Variants in ITCH observed in about 807,000 individuals in gnomAD.
ITCH encodes the protein E3 ubiquitin-protein ligase Itchy homolog.
ITCH carries 28 observed loss-of-function variants against 126.8 expected under a neutral mutation model. The ratio of observed to expected loss-of-function variants is 0.22; its 90% confidence interval spans 0.16 to 0.30. The LOEUF is 0.30. ITCH is among the 10% of genes least tolerant of loss of function. The pLI is 1.00. For missense variants in ITCH, 631 were observed against 1,032.4 expected, an observed-to-expected ratio of 0.61 and a Z score of 5.33; for synonymous variants, 342 against 340.0, an observed-to-expected ratio of 1.01 and a Z score of -0.06.
chr20:34,407,141 T>C (rs909904400), intron 3 of ITCH, among the ~76,000 whole-genome samples: 1 of 152,172 alleles, frequency 6.6e-6, no homozygotes, highest in African/African-American at 2.4e-5. Flanking sequence ...AAGGAGTTTG[T>C]ATCTCAAGAT....
intron 13 of ITCH, among the ~76,000 whole-genome samples, chr20:34,460,694 G>A (rs1395982514): frequency 2.0e-5 from 3 of 152,054 alleles, no homozygotes; most frequent in Non-Finnish European, 4.4e-5. Context: ...TATAAAGATA[G>A]GTATTAAGGA....
intron 16 of ITCH, among the ~76,000 whole-genome samples, chr20:34,475,173 G>A (rs1336111235): frequency 6.6e-6 from 1 of 151,406 alleles, no homozygotes; most frequent in East Asian, 2.0e-4. Flanking sequence ...TTTCCAGACT[G>A]GGCAGCCAGG....
At chr20:34,491,981 G>A (rs991624563) in intron 22 of ITCH, among the ~76,000 whole-genome samples, 5 of 152,156 alleles carry the variant, frequency 3.3e-5, no homozygotes, top group African/African-American at 7.2e-5. Flanking sequence ...CCTATAGGAC[G>A]GGCAAATCTG....
At chr20:34,475,337 C>T (rs1191109305) in intron 16 of ITCH, among the ~76,000 whole-genome samples, 1 of 152,164 alleles carries the variant, frequency 6.6e-6, no homozygotes, top group Non-Finnish European at 1.5e-5. Context: ...TAGCCGAGAT[C>T]ACGCCACTGC....
chr20:34,392,844 T>G (rs951215898), intron 2 of ITCH, among the ~76,000 whole-genome samples: 5 of 152,066 alleles, frequency 3.3e-5, no homozygotes, highest in African/African-American at 1.2e-4. Flanking sequence ...TCCCAGCTAC[T>G]CAGGAGGCTG....
chr20:34,481,638 G>A (rs1418585605), intron 20 of ITCH, among the ~76,000 whole-genome samples: 5 of 152,162 alleles, frequency 3.3e-5, no homozygotes, highest in Non-Finnish European at 7.3e-5. Flanking sequence ...CATGGTGGAA[G>A]GCAAGGAGGG....
chr20:34,437,183 C>T (rs530804349), intron 7 of ITCH, among the ~76,000 whole-genome samples: 3 of 152,082 alleles, frequency 2.0e-5, no homozygotes, highest in African/African-American at 7.2e-5. Context: ...TGTTAATTAG[C>T]TTGACTGTAG....
At chr20:34,374,286 A>G (rs913106218) in intron 2 of ITCH, among the ~76,000 whole-genome samples, 11 of 152,148 alleles carry the variant, frequency 7.2e-5, no homozygotes, top group African/African-American at 2.7e-4. Context: ...ATTTTAGTCT[A>G]AAGGATTATA....
chr20:34,405,950 A>G (rs951891818), intron 3 of ITCH, among the ~76,000 whole-genome samples: 3 of 151,612 alleles, frequency 2.0e-5, no homozygotes, highest in Admixed American at 6.6e-5. Flanking sequence ...CCCCACTTGA[A>G]TATTTTTTAT....
At chr20:34,448,649 C>A (rs537298183) in intron 11 of ITCH, among the ~76,000 whole-genome samples, 1 of 151,816 alleles carries the variant, frequency 6.6e-6, no homozygotes, top group South Asian at 2.1e-4. Flanking sequence ...TCTTGTTTAT[C>A]TTACTGAAGA....
chr20:34,446,877 C>T (rs1479306147), intron 11 of ITCH, among the ~76,000 whole-genome samples: 1 of 152,180 alleles, frequency 6.6e-6, no homozygotes, highest in Non-Finnish European at 1.5e-5. Flanking sequence ...CTCATCAAGA[C>T]TTATTTCCTT....
chr20:34,450,292 A>G (rs917636452), intron 12 of ITCH, among the ~76,000 whole-genome samples: 3 of 152,214 alleles, frequency 2.0e-5, no homozygotes, highest in Non-Finnish European at 4.4e-5. Context: ...TTAATTCAAA[A>G]TAAAAAGCTT....
chr20:34,440,939 A>G lies in ITCH; in HGVS notation c.869+595A>G, dbSNP rs115986320. On this transcript the variant is annotated intron_variant, in intron 9 of 24. Transcript: ENST00000374864. ...AATTGCCTTTTTCTTTAAGGGGGAA[A>G]AAATCCCTTTTTAATATCAAACTAT... Among the ~76,000 whole-genome samples the G allele has an allele frequency of 3.5e-3, 528 of 152,306 alleles. 2 individuals are homozygous for G. The highest frequency in any genetic ancestry group is 0.012 in the African/African-American group (504 of 41,564).
intron 13 of ITCH, among the ~76,000 whole-genome samples, chr20:34,457,689 G>T (rs575569684): frequency 5.5e-4 from 84 of 152,302 alleles, no homozygotes; most frequent in African/African-American, 1.8e-3. Context: ...GGGCATGGTG[G>T]CTCATGCCCA....
intron 2 of ITCH, among the ~76,000 whole-genome samples, chr20:34,386,985 G>A (rs2038306003): frequency 1.3e-5 from 2 of 152,064 alleles, no homozygotes; most frequent in Admixed American, 1.3e-4. Context: ...TTTTTCTAGT[G>A]TAGTAGTAAA....
intron 23 of ITCH, among the ~76,000 whole-genome samples, chr20:34,502,531 T>C (rs1484356786): frequency 3.3e-5 from 5 of 150,678 alleles, no homozygotes; most frequent in Non-Finnish European, 5.9e-5. Context: ...GCCAACATAG[T>C]GAAACCCCAT....
chr20:34,403,291 A>G (rs1017210224), intron 3 of ITCH, among the ~76,000 whole-genome samples: 1 of 152,152 alleles, frequency 6.6e-6, no homozygotes, highest in Admixed American at 6.5e-5. Context: ...TGTATCAGAG[A>G]GATACACTGA....
At position 34,494,396 on chromosome 20, in the gene ITCH, TAGGAGACA is replaced by T. The variant is rs71340407; in HGVS notation, c.2416+1800_2416+1807del. Among the ~76,000 whole-genome samples, 811 of 152,312 alleles carry T rather than the reference TAGGAGACA, an allele frequency of 5.3e-3. 2 individuals are homozygous for T. The highest frequency in any genetic ancestry group is 9.1e-3 in the Non-Finnish European group (616 of 68,024). On this transcript the variant is annotated intron_variant, in intron 23 of 24. Transcript: ENST00000374864. ...GGGTGATTTCTAGGAAAGTTTTTGT[TAGGAGACA>T]GAAACAGTGAGATTGTGGTTTGGAG... is the stretch of plus-strand genomic sequence containing the variant.
At chr20:34,470,392 G>A (rs1318029222) in intron 15 of ITCH, among the ~76,000 whole-genome samples, 1 of 151,284 alleles carries the variant, frequency 6.6e-6, no homozygotes, top group East Asian at 1.9e-4. Flanking sequence ...GGACCAGTCT[G>A]GGCAACATAT....
Sources: allele counts gnomAD v4.1 joint callset (sites outside exome capture counted in the v4.1 genomes callset), GRCh38; gene constraint gnomAD v4.1.1; transcripts MANE v1.5; gene names NCBI Gene and HGNC (gene_info 2026-07-23, HGNC 2026-07-21).